Variants in GPHN observed in about 807,000 individuals in gnomAD.
GPHN encodes the protein gephyrin.
A neutral mutation model predicts 95.5 loss-of-function variants in GPHN; 17 were observed. The ratio of observed to expected loss-of-function variants is 0.18; its 90% CI spans 0.12 to 0.27. GPHN has a LOEUF of 0.27. Among genes scored for constraint, GPHN ranks in the 10% least tolerant of loss-of-function variants. GPHN has a pLI of 1.00. For synonymous variants in GPHN, 320 were observed against 322.5 expected, an observed-to-expected ratio of 0.99 and a Z score of 0.08; for missense variants, 660 against 978.1, an observed-to-expected ratio of 0.67 and a Z score of 4.34.
chr14:67,689,878 A>T, the GPHN span, among the ~76,000 whole-genome samples: 2 of 152,016 alleles, frequency 1.3e-5, no homozygotes, highest in Non-Finnish European at 2.9e-5. Flanking sequence ...TGGGAAGTGG[A>T]GGTCGGCAGT....
At chr14:67,428,646 G>A in the GPHN span, among the ~76,000 whole-genome samples, 8 of 152,256 alleles carry the variant, frequency 5.3e-5, no homozygotes, top group South Asian at 2.1e-4. Flanking sequence ...TGCAGAGAGC[G>A]GGTGAAACTG....
intron 11 of GPHN, among the ~76,000 whole-genome samples, chr14:67,075,655 A>C (rs1051354546): frequency 6.6e-6 from 1 of 152,188 alleles, no homozygotes; most frequent in Admixed American, 6.5e-5. Context: ...CATTGACAGG[A>C]GTTGAAAAGA....
At chr14:67,583,599 G>A in the GPHN span, 16 of 574,936 alleles carry the variant, frequency 2.8e-5, 1 homozygote, top group Admixed American at 6.8e-5. Flanking sequence ...GAGATGAAGC[G>A]TTTTTCTAAA....
chr14:67,427,849 C>T, the GPHN span, among the ~76,000 whole-genome samples: 1 of 151,908 alleles, frequency 6.6e-6, no homozygotes, highest in Non-Finnish European at 1.5e-5. Flanking sequence ...CTGGCACTGT[C>T]ATGAGACCAT....
intron 21 of GPHN, among the ~76,000 whole-genome samples, chr14:67,172,237 C>T (rs2082639836): frequency 2.0e-5 from 3 of 152,162 alleles, no homozygotes; most frequent in South Asian, 2.1e-4. Context: ...GGTGGAGCTA[C>T]TCCACCCAGC....
the GPHN span, among the ~76,000 whole-genome samples, chr14:67,324,020 C>T: frequency 2.0e-5 from 3 of 152,152 alleles, no homozygotes; most frequent in Non-Finnish European, 4.4e-5. Context: ...CATTTGGTAA[C>T]CTTTGAGCGT....
At chr14:67,385,830 A>AATT in the GPHN span, 2 of 152,108 alleles carry the variant, frequency 1.3e-5, no homozygotes, top group South Asian at 4.1e-4. Context: ...AGTTCTTAAT[A>AATT]ATGTTCAAAG....
chr14:67,437,786 CG>C, the GPHN span, among the ~76,000 whole-genome samples: 2 of 152,020 alleles, frequency 1.3e-5, no homozygotes, highest in Non-Finnish European at 2.9e-5. Flanking sequence ...AACCCAAAGA[CG>C]GGTGGTACCA....
chr14:67,692,891 A>G, the GPHN span: 3 of 1,306,842 alleles, frequency 2.3e-6, no homozygotes, highest in Non-Finnish European at 3.3e-6. Flanking sequence ...TGTGAGGGGT[A>G]AAACAGCAGT....
the GPHN span, among the ~76,000 whole-genome samples, chr14:67,341,910 T>G: frequency 6.6e-6 from 1 of 152,232 alleles, no homozygotes; most frequent in Non-Finnish European, 1.5e-5. Context: ...CTCTGAAACA[T>G]GTGCTGTGTC....
At chr14:67,123,328 G>A (rs1008137223) in intron 17 of GPHN, among the ~76,000 whole-genome samples, 1 of 152,216 alleles carries the variant, frequency 6.6e-6, no homozygotes, top group South Asian at 2.1e-4. Flanking sequence ...GGTAGGATCT[G>A]ACAAGGCATG....
chr14:67,530,128 T>A, the GPHN span, among the ~76,000 whole-genome samples: 1 of 152,214 alleles, frequency 6.6e-6, no homozygotes, highest in East Asian at 1.9e-4. Context: ...CATTGCAATC[T>A]TGTAAACAGA....
At chr14:67,268,897 C>T in the GPHN span, among the ~76,000 whole-genome samples, 1 of 152,186 alleles carries the variant, frequency 6.6e-6, no homozygotes, top group African/African-American at 2.4e-5. Context: ...CTGGTTCAAA[C>T]CCCTCTGACA....
chr14:67,110,317 C>A (rs769598274), intron 14 of GPHN, 58 bp downstream of exon 14: 52 of 1,587,026 alleles, frequency 3.3e-5, no homozygotes, highest in Non-Finnish European at 4.3e-5. Flanking sequence ...TATGTCACAA[C>A]CATTTTCTGC....
At chr14:66,828,316 C>G (rs571802493) in intron 4 of GPHN, among the ~76,000 whole-genome samples, 45 of 152,056 alleles carry the variant, frequency 3.0e-4, no homozygotes, top group South Asian at 1.0e-3. Context: ...AGAGTAGTTG[C>G]AGTTCTTATA....
the GPHN span, among the ~76,000 whole-genome samples, chr14:67,542,293 C>T: frequency 3.3e-5 from 5 of 152,216 alleles, no homozygotes; most frequent in Non-Finnish European, 5.9e-5. Context: ...ATTCCCTTAA[C>T]GTTTCTTTCT....
At chr14:66,998,692 C>T (rs1203257337) in intron 9 of GPHN, among the ~76,000 whole-genome samples, 1 of 151,914 alleles carries the variant, frequency 6.6e-6, no homozygotes, top group East Asian at 1.9e-4. Flanking sequence ...AGTCTCCAAT[C>T]CCTAATGTAG....
intron 1 of GPHN, among the ~76,000 whole-genome samples, chr14:66,599,298 G>C (rs549597565): frequency 4.0e-4 from 60 of 150,328 alleles, no homozygotes; most frequent in African/African-American, 1.2e-3. Flanking sequence ...GATTTTGAGG[G>C]ATTTTATTTA....
chr14:66,686,310 G>C (rs1227604270), intron 2 of GPHN, among the ~76,000 whole-genome samples: 1 of 152,134 alleles, frequency 6.6e-6, no homozygotes, highest in Admixed American at 6.5e-5. Flanking sequence ...GATAGGGATG[G>C]CATTGAATCT....
Sources: allele counts gnomAD v4.1 joint callset (sites outside exome capture counted in the v4.1 genomes callset), GRCh38; gene constraint gnomAD v4.1.1; transcripts MANE v1.5; gene names NCBI Gene and HGNC (gene_info 2026-07-23, HGNC 2026-07-21).